The following FKBP7 variants were observed in gnomAD, a reference collection of about 807,000 sequenced individuals.
The protein encoded by FKBP7 is FKBP prolyl isomerase 7.
A neutral mutation model predicts 24.3 loss-of-function variants in FKBP7; 24 were observed. The observed-to-expected ratio is 0.99, with a 90% CI of 0.72 to 1.39. FKBP7 has a LOEUF of 1.39. FKBP7 is among the 40% of genes most tolerant of loss of function. The pLI is 0.00. For synonymous variants in FKBP7, 98 were observed against 92.8 expected (o/e 1.06, Z -0.32); for missense variants, 257 against 269.5 (o/e 0.95, Z 0.33).
At chr2:178,474,997 A>G (rs1684960833) in intron 2 of FKBP7, among the ~76,000 whole-genome samples, 1 of 152,012 alleles carries the variant, frequency 6.6e-6, no homozygotes, top group Admixed American at 6.5e-5. Flanking sequence ...CCTCCACTTT[A>G]TTTTTAACAT....
Position 178,478,315 on chromosome 2 carries a change from C to A in FKBP7, c.185G>T (p.Gly62Val). Residue 62 changes from glycine to valine, a missense_variant, in exon 1 of 4, where the codon GGC becomes GTC. Gly to Val is a moderately radical substitution (Grantham distance 109). Transcript: ENST00000424785. The stretch of plus-strand genomic sequence containing the variant: ...TTTCGAGCCGTCTTTAGCCAGGTAG[C>A]CGTCATAATGGGCATTTAGTAGGTC... ...KGDLLNAHYD[G>V]YLAKDGSKFY... The A allele has an allele frequency of 1.2e-6, 2 of 1,614,102 alleles. No homozygotes were observed. The highest frequency in any genetic ancestry group is 2.2e-5 in the East Asian group (1 of 44,872).
chr2:178,466,654 G>A (rs77242985), intron 3 of FKBP7, among the ~76,000 whole-genome samples: 7,595 of 151,890 alleles, frequency 0.05, 575 homozygotes, highest in African/African-American at 0.17. Context: ...ATTTTACATC[G>A]ATCTCATATT....
At chr2:178,472,078 G>A (rs886656453) in intron 2 of FKBP7, among the ~76,000 whole-genome samples, 12 of 135,442 alleles carry the variant, frequency 8.9e-5, no homozygotes, top group South Asian at 2.3e-4. Context: ...TTTTCTTTTC[G>A]TTTTTTTTTT....
rs776283598 is a variant in FKBP7 at position 178,477,246 on chromosome 2, T to C, written c.222-33A>G. The C allele has an allele frequency of 1.4e-5, 22 of 1,596,202 alleles. No individual in the cohort carries two copies. The African/African-American group carries it at 1.6e-4, about 12-fold the overall frequency. ...AAAAAGCAATACTTAAGTAAACTGATTTCAAGAAATCAAACTTGAAAATAC... is the reference window on the plus strand; with the variant it reads ...AAAAAGCAATACTTAAGTAAACTGACTTCAAGAAATCAAACTTGAAAATAC... On this transcript the variant is annotated intron_variant, in intron 1 of 3. Transcript: ENST00000424785.
In FKBP7 at chr2:178,477,161, C is replaced by T. The variant is rs1399723292; in HGVS notation, c.274G>A (p.Val92Ile). ...PKWFVLGVGQVIKGLDIAMTD... is the reference protein window; with the variant it reads ...PKWFVLGVGQIIKGLDIAMTD... Reference sequence around the variant, plus strand: ...ATAGCAATGTCTAGGCCTTTTATGACTTGCCCAACACCAAGAACAAACCAT... The same window carrying T: ...ATAGCAATGTCTAGGCCTTTTATGATTTGCCCAACACCAAGAACAAACCAT... The change falls in exon 2 of 4, where the codon GTC (valine) becomes ATC (isoleucine). Residue 92 changes from valine to isoleucine, a missense_variant. Transcript: ENST00000424785. 6.2e-7 allele frequency: 1 copy of T among 1,613,036 alleles called. No individual in the cohort carries two copies. Among genetic ancestry groups the T allele is most frequent in the Non-Finnish European group, 8.5e-7 (1 of 1,179,724 alleles).
In FKBP7 at chr2:178,478,566, A is replaced by G. The variant is rs188660897; in HGVS notation, c.-67T>C. On this transcript the variant is annotated 5_prime_UTR_variant, in exon 1 of 4. Transcript: ENST00000424785. Reference sequence around the variant, plus strand: ...GCGCCCCGTGGATGTCCCGCGGCCGAGTTCCGACGCGTGGCAGGCGTTGTC... The same window carrying G: ...GCGCCCCGTGGATGTCCCGCGGCCGGGTTCCGACGCGTGGCAGGCGTTGTC... 1.1e-5 allele frequency: 17 copies of G among 1,594,336 alleles called. No individual in the cohort carries two copies. Among genetic ancestry groups the G allele is most frequent in the Non-Finnish European group, 1.4e-5 (16 of 1,172,438 alleles).
chr2:178,468,960 G>A (rs1684767299), intron 3 of FKBP7, among the ~76,000 whole-genome samples: 1 of 151,320 alleles, frequency 6.6e-6, no homozygotes, highest in East Asian at 1.9e-4. Context: ...CCAACCTCCT[G>A]GGCTCAAGCG....
chr2:178,473,136 G>T (rs779347849), intron 2 of FKBP7: 5 of 1,276,888 alleles, frequency 3.9e-6, no homozygotes, highest in South Asian at 1.2e-5. Context: ...ACTTCTTCAA[G>T]TACTACCTAA....
chr2:178,475,272 C>T (rs1235420554), intron 2 of FKBP7, among the ~76,000 whole-genome samples: 1 of 152,034 alleles, frequency 6.6e-6, no homozygotes, highest in African/African-American at 2.4e-5. Flanking sequence ...CTCTGTTGCC[C>T]AGGCTGGAGT....
chr2:178,472,998 G>C (rs1412748830), intron 2 of FKBP7: 1 of 978,460 alleles, frequency 1.0e-6, no homozygotes, highest in Non-Finnish European at 1.4e-6. Context: ...GATCAAAGAA[G>C]TAGGAATTAA....
rs1684626579 is a variant in FKBP7 at position 178,465,471 on chromosome 2, A to G, written c.*299T>C. 1 of 204,576 alleles carries G rather than the reference A, an allele frequency of 4.9e-6. No homozygotes were observed. The highest frequency in any genetic ancestry group is 2.3e-5 in the African/African-American group (1 of 43,698). 12.7% of individuals were successfully genotyped at this position (204,576 alleles called of 1,614,324 possible). A position where few individuals can be genotyped will look rare whatever the true frequency, so the allele number is the denominator to read the frequency against. ...AAAAGCTTGCAGTTTTTGACATACT[A>G]TACATGTCCTCCTACATCCTGAAAG... On this transcript the variant is annotated 3_prime_UTR_variant, in exon 4 of 4. Coordinates refer to ENST00000424785, the MANE Select transcript of FKBP7 (RefSeq NM_181342.3).
At chr2:178,471,883 G>A (rs1210329694) in intron 2 of FKBP7, among the ~76,000 whole-genome samples, 6 of 152,102 alleles carry the variant, frequency 3.9e-5, no homozygotes, top group Admixed American at 1.3e-4. Context: ...TGCATCATAT[G>A]ACTAACATAA....
rs185612762 is a variant in FKBP7 at position 178,471,524 on chromosome 2, G to C, written c.374-1739C>G. Reference sequence around the variant, plus strand: ...CACCGTGCCAGGCCATGATGTCACAGGTGATTTTAATAAGTGATGGGCTAT... The same window carrying C: ...CACCGTGCCAGGCCATGATGTCACACGTGATTTTAATAAGTGATGGGCTAT... On this transcript the variant is annotated intron_variant, in intron 2 of 3. Transcript: ENST00000424785. 6.6e-5 allele frequency among the ~76,000 whole-genome samples: 10 copies of C among 152,242 alleles called. No individual in the cohort carries two copies. In the East Asian group the frequency reaches 1.9e-3, roughly 29 times the overall value.
intron 2 of FKBP7, among the ~76,000 whole-genome samples, chr2:178,476,021 C>G (rs751107671): frequency 6.6e-6 from 1 of 152,122 alleles, no homozygotes; most frequent in African/African-American, 2.4e-5. Context: ...TACTCTAAAC[C>G]TACATGTTCC....
At chr2:178,466,876 G>C (rs977539780) in intron 3 of FKBP7, among the ~76,000 whole-genome samples, 3 of 152,162 alleles carry the variant, frequency 2.0e-5, no homozygotes, top group Non-Finnish European at 4.4e-5. Context: ...TGGCATTATA[G>C]AGGCAAGAGT....
chr2:178,468,970 G>A (rs1024245766), intron 3 of FKBP7, among the ~76,000 whole-genome samples: 4 of 150,764 alleles, frequency 2.7e-5, no homozygotes, highest in East Asian at 2.0e-4. Flanking sequence ...GGGCTCAAGC[G>A]ATCCTCCTAC....
In FKBP7 at chr2:178,464,710, G is replaced by A. The variant is rs1684606334; in HGVS notation, c.*1060C>T. The A allele has an allele frequency of 6.6e-6, 1 of 152,216 alleles. No homozygotes were observed. The allele number at this position is 152,216 out of a possible 1,614,324, so 9.4% of individuals were successfully genotyped here. On this transcript the variant is annotated 3_prime_UTR_variant, in exon 4 of 4. Transcript: ENST00000424785. ...AGTATGCAAAATCTATGTTCCGATA[G>A]ACATGTGCCCTTTCTTTGGTACCAA...
rs950791755 is a variant in FKBP7, at chr2:178,465,674, G to A, written c.*96C>T. On this transcript the variant is annotated 3_prime_UTR_variant, in exon 4 of 4. Coordinates refer to ENST00000424785, the MANE Select transcript of FKBP7 (RefSeq NM_181342.3). ...GGGAGATCAAAATATCTTCTCATAG[G>A]GGAAAAATAGCAAATACAACTTGGA... The A allele has an allele frequency of 6.8e-6, 8 of 1,175,102 alleles. No homozygotes were observed. The Admixed American group carries it at 9.8e-5, about 14-fold the overall frequency. 72.8% of individuals were successfully genotyped at this position (1,175,102 alleles called of 1,614,324 possible). A position where few individuals can be genotyped will look rare whatever the true frequency, so the allele number is the denominator to read the frequency against.
chr2:178,473,845 T>C (rs1292719788), intron 2 of FKBP7, among the ~76,000 whole-genome samples: 1 of 152,256 alleles, frequency 6.6e-6, no homozygotes, highest in African/African-American at 2.4e-5. Context: ...TTTCCTTCTC[T>C]TTCTCCTAGG....
Sources: gnomAD v4.1 joint callset for allele counts (sites outside exome capture counted in the v4.1 genomes callset) on GRCh38, gnomAD v4.1.1 for gene constraint, MANE v1.5 for transcripts, NCBI Gene and HGNC (gene_info 2026-07-23, HGNC 2026-07-21) for gene names.